The following MROH9 variants were observed in gnomAD, a reference collection of about 807,000 sequenced individuals.
The protein encoded by MROH9 is maestro heat-like repeat-containing protein family member 9.
A neutral mutation model predicts 98.2 loss-of-function variants in MROH9; 92 were observed. The ratio of observed to expected loss-of-function variants is 0.94; its 90% confidence interval spans 0.79 to 1.11. MROH9 has a LOEUF of 1.11. MROH9 is among the 50% of genes most tolerant of loss of function. MROH9 has a pLI of 0.00. For synonymous variants in MROH9, 397 were observed against 368.9 expected, an observed-to-expected ratio of 1.08 and a Z score of -0.87; for missense variants, 1,057 against 1,014.8, an observed-to-expected ratio of 1.04 and a Z score of -0.57.
rs558487574 is a variant in MROH9 at position 170,953,650 on chromosome 1, T to C, written c.73-4811T>C. 3.9e-5 allele frequency among the ~76,000 whole-genome samples: 6 copies of C among 151,968 alleles called. No individual in the cohort carries two copies. In the East Asian group the frequency reaches 5.8e-4, roughly 15 times the overall value. On this transcript the variant is annotated intron_variant, in intron 3 of 21. Coordinates refer to ENST00000367759, the MANE Select transcript of MROH9 (RefSeq NM_001163629.2). The stretch of plus-strand genomic sequence containing the variant: ...AGATGTTCTTCATGAAGTGAATATA[T>C]GATCAATTTCAAATGCTTTTATAGT...
At chr1:170,942,593 G>A (rs1225764335) in intron 1 of MROH9, among the ~76,000 whole-genome samples, 2 of 152,068 alleles carry the variant, frequency 1.3e-5, no homozygotes, top group Non-Finnish European at 1.5e-5. Flanking sequence ...AGCAAGGAAA[G>A]CACTCCAGTT....
At chr1:170,950,531 C>A (rs981075408) in intron 3 of MROH9, among the ~76,000 whole-genome samples, 1 of 152,018 alleles carries the variant, frequency 6.6e-6, no homozygotes, top group African/African-American at 2.4e-5. Context: ...CTTATATCTG[C>A]ATATTCTATT....
chr1:170,988,878 G>A (rs1277406775), intron 10 of MROH9, among the ~76,000 whole-genome samples: 1 of 152,050 alleles, frequency 6.6e-6, no homozygotes, highest in African/African-American at 2.4e-5. Flanking sequence ...TGCTTTAGAG[G>A]TATTTGCATT....
intron 3 of MROH9, among the ~76,000 whole-genome samples, chr1:170,955,980 G>A (rs905514053): frequency 2.6e-5 from 4 of 152,152 alleles, no homozygotes; most frequent in Non-Finnish European, 5.9e-5. Flanking sequence ...TCCATCTTGT[G>A]TTGATTTTTG....
chr1:171,006,905 T>C (rs1015395191), intron 15 of MROH9, among the ~76,000 whole-genome samples: 1 of 152,190 alleles, frequency 6.6e-6, no homozygotes, highest in African/African-American at 2.4e-5. Context: ...TTTTCTTGTA[T>C]CTCATTGAGC....
chr1:171,012,542 A>G (rs1216068761), intron 15 of MROH9, among the ~76,000 whole-genome samples: 2 of 131,886 alleles, frequency 1.5e-5, no homozygotes, highest in Non-Finnish European at 3.1e-5. Flanking sequence ...TTGCTCCGTC[A>G]CCCAGGCTAG....
chr1:171,020,514 A>G (rs1313962415), intron 17 of MROH9, among the ~76,000 whole-genome samples: 1 of 152,212 alleles, frequency 6.6e-6, no homozygotes, highest in East Asian at 1.9e-4. Flanking sequence ...GACAAAAACC[A>G]CATGATTATC....
chr1:171,048,305 T>C (rs1364502599), intron 20 of MROH9, among the ~76,000 whole-genome samples: 1 of 152,156 alleles, frequency 6.6e-6, no homozygotes, highest in African/African-American at 2.4e-5. Context: ...TCAAAAACCT[T>C]GGAAGTCTAC....
chr1:171,046,099 ATAAGTATAGTGACTCTTCT>A (rs2101863744), intron 20 of MROH9, among the ~76,000 whole-genome samples: 2 of 152,250 alleles, frequency 1.3e-5, no homozygotes, highest in South Asian at 4.1e-4. Flanking sequence ...CTTTTCTGAT[ATAAGTATAGTGACTCTTCT>A]GATTTTTTCG....
At chr1:171,062,317 T>C in intron 21 of MROH9, 123 bp downstream of exon 21, 2 of 651,288 alleles carry the variant, frequency 3.1e-6, no homozygotes, top group Non-Finnish European at 5.3e-6. Flanking sequence ...GTGGTGGTAG[T>C]AGTAGTTGGA....
chr1:170,936,061 A>G (rs1648869899), intron 1 of MROH9, among the ~76,000 whole-genome samples: 1 of 151,522 alleles, frequency 6.6e-6, no homozygotes, highest in African/African-American at 2.4e-5. Flanking sequence ...AAATCTTGCC[A>G]AAGTTGGCAA....
rs1191141070 is a variant in MROH9, at chr1:170,970,747, AG to A, written c.481-1000del. On this transcript the variant is annotated intron_variant, in intron 7 of 21. Transcript: ENST00000367759. Reference sequence around the variant, plus strand: ...GTGTGTGTGTGAGAGAGAGAGAGAGAGAGAGAGAGAGAGAGAGAGAGACAGA... The same window carrying A: ...GTGTGTGTGTGAGAGAGAGAGAGAGAAGAGAGAGAGAGAGAGAGAGACAGA... Among the ~76,000 whole-genome samples the A allele has an allele frequency of 8.3e-4, 116 of 139,524 alleles. 3 individuals are homozygous for A. The highest frequency in any genetic ancestry group is 4.1e-3 in the Middle Eastern group (1 of 244). The allele number at this position is 139,524 out of a possible 152,430, so 91.5% of individuals were successfully genotyped here. A position where few individuals can be genotyped will look rare whatever the true frequency, so the allele number is the denominator to read the frequency against.
chr1:170,982,469 G>T (rs573753801), intron 8 of MROH9, among the ~76,000 whole-genome samples: 1 of 152,264 alleles, frequency 6.6e-6, no homozygotes, highest in African/African-American at 2.4e-5. Context: ...ACAGGGATTA[G>T]GTGTGAGGGG....
chr1:170,972,586 G>A (rs138077154), intron 8 of MROH9, among the ~76,000 whole-genome samples: 12 of 151,866 alleles, frequency 7.9e-5, no homozygotes, highest in South Asian at 4.1e-4. Context: ...TGAGGTGGGC[G>A]GATCACAAGG....
At chr1:171,054,672 C>A (rs1557915846) in intron 20 of MROH9, among the ~76,000 whole-genome samples, 2 of 152,110 alleles carry the variant, frequency 1.3e-5, no homozygotes, top group African/African-American at 4.8e-5. Flanking sequence ...AAGAAACAAT[C>A]CTATCAAAAA....
At chr1:171,021,988 C>T (rs1652535736) in intron 17 of MROH9, among the ~76,000 whole-genome samples, 1 of 151,370 alleles carries the variant, frequency 6.6e-6, no homozygotes, top group African/African-American at 2.4e-5. Context: ...GGCCAACAAA[C>T]ATATGAAAAA....
intron 8 of MROH9, among the ~76,000 whole-genome samples, chr1:170,982,509 G>A (rs77263669): frequency 0.06 from 9,108 of 152,240 alleles, 376 homozygotes; most frequent in Middle Eastern, 0.14. Context: ...AACTTTTGGA[G>A]ACAATAGATA....
At chr1:170,938,792 A>G (rs6670889) in intron 1 of MROH9, among the ~76,000 whole-genome samples, 18,153 of 152,194 alleles carry the variant, frequency 0.12, 1,957 homozygotes, top group African/African-American at 0.29. Flanking sequence ...ACGCAGTCCA[A>G]TGTAGTCAAG....
intron 7 of MROH9, among the ~76,000 whole-genome samples, chr1:170,968,216 A>G (rs1421216788): frequency 6.6e-6 from 1 of 152,222 alleles, no homozygotes; most frequent in African/African-American, 2.4e-5. Flanking sequence ...AGTCAAAGGC[A>G]GGCTGGAAAC....
Sources: gnomAD v4.1 joint callset for allele counts (sites outside exome capture counted in the v4.1 genomes callset) on GRCh38, gnomAD v4.1.1 for gene constraint, MANE v1.5 for transcripts, NCBI Gene and HGNC (gene_info 2026-07-23, HGNC 2026-07-21) for gene names.